UGGT1: variants seen among roughly 807,000 people sequenced by gnomAD.
UGGT1 encodes the protein UDP-glucose glycoprotein glucosyltransferase 1.
In UGGT1, 107 loss-of-function variants were observed where a neutral mutation model predicts 203.9. That is an observed-to-expected ratio of 0.52 (90% CI 0.45 to 0.62). The LOEUF is 0.62. Among genes scored for constraint, UGGT1 ranks in the 20% least tolerant of loss-of-function variants. The pLI is 0.00. For missense variants in UGGT1, 1,673 were observed against 1,867.2 expected (o/e 0.90, Z 1.92); for synonymous variants, 628 against 653.5 (o/e 0.96, Z 0.59).
At chr2:128,127,250 T>C (rs1364249272) in intron 11 of UGGT1, 111 bp from the exon 12 acceptor site, 2 of 706,156 alleles carry the variant, frequency 2.8e-6, no homozygotes, top group African/African-American at 3.6e-5. Context: ...AAGCAAATCT[T>C]AGCCCTGCCT....
Position 128,153,485 on chromosome 2 carries a change from G to A in UGGT1, c.2137+581G>A, listed in dbSNP as rs55858316. Among the ~76,000 whole-genome samples, 1,446 of 152,072 alleles carry A rather than the reference G, an allele frequency of 9.5e-3. 23 individuals carry two copies. The highest frequency in any genetic ancestry group is 0.032 in the African/African-American group (1,322 of 41,452). ...ATCATCACCCCCCAAAAATTCCCCA[G>A]AATTCCATGTACCTATTAGTAGTCA... On this transcript the variant is annotated intron_variant, in intron 19 of 40. Coordinates refer to ENST00000259253, the MANE Select transcript of UGGT1 (RefSeq NM_020120.4).
Position 128,116,327 on chromosome 2 carries a change from C to G in UGGT1, c.856C>G (p.Leu286Val), listed in dbSNP as rs368075843. The G allele has an allele frequency of 7.5e-6, 12 of 1,610,308 alleles. No homozygotes were observed. The highest frequency in any genetic ancestry group is 1.0e-5 in the Non-Finnish European group (12 of 1,176,862). ...NDPIDEVQGF[L>V]FGKLRDLHPD... Reference sequence around the variant, plus strand: ...TCCTATTGATGAGGTTCAGGGGTTCCTCTTTGGAAAATTAAGGTATGTATG... The same window carrying G: ...TCCTATTGATGAGGTTCAGGGGTTCGTCTTTGGAAAATTAAGGTATGTATG... The change falls in exon 8 of 41, where the codon CTC becomes GTC. Residue 286 changes from leucine to valine, a missense_variant. Leu to Val is a conservative substitution (Grantham distance 32, BLOSUM62 1). Around this residue, in one of 4 missense-constraint regions of UGGT1, gnomAD observed 1,073 missense variants for 1,078.7 expected, o/e 0.99. Coordinates refer to ENST00000259253, the MANE Select transcript of UGGT1 (RefSeq NM_020120.4).
intron 13 of UGGT1, among the ~76,000 whole-genome samples, chr2:128,132,041 A>G (rs916195602): frequency 2.6e-5 from 4 of 152,128 alleles, no homozygotes; most frequent in Non-Finnish European, 5.9e-5. Flanking sequence ...TCTTTGCTCT[A>G]TATCTTTTCC....
chr2:128,095,864 C>T (rs1162543332), intron 1 of UGGT1, among the ~76,000 whole-genome samples: 1 of 152,154 alleles, frequency 6.6e-6, no homozygotes, highest in African/African-American at 2.4e-5. Flanking sequence ...GACAGCCTCC[C>T]TCAGTGATAG....
chr2:128,105,476 G>C (rs1272901107), intron 3 of UGGT1, among the ~76,000 whole-genome samples: 1 of 147,556 alleles, frequency 6.8e-6, no homozygotes, highest in Admixed American at 6.7e-5. Flanking sequence ...ACTGCACCCA[G>C]CTAGATTTTA....
At chr2:128,155,665 T>TA in intron 20 of UGGT1, 78 bp downstream of exon 20, 1 of 1,134,784 alleles carries the variant, frequency 8.8e-7, no homozygotes, top group East Asian at 2.4e-5. Flanking sequence ...ATGTGCAAAT[T>TA]AAGAGAGAAA....
intron 24 of UGGT1, 61 bp from the exon 25 acceptor site, chr2:128,161,077 C>T: frequency 6.3e-7 from 1 of 1,592,474 alleles, no homozygotes; most frequent in Non-Finnish European, 8.5e-7. Context: ...GGGTTCCTTA[C>T]CAGCTTGCTG....
intron 2 of UGGT1, among the ~76,000 whole-genome samples, chr2:128,099,849 A>C (rs1687285580): frequency 6.6e-6 from 1 of 152,314 alleles, no homozygotes; most frequent in Non-Finnish European, 1.5e-5. Context: ...GGGGGAAAAA[A>C]GCCCAACAAA....
chr2:128,130,833 C>T (rs2105420199), intron 13 of UGGT1, among the ~76,000 whole-genome samples: 1 of 151,858 alleles, frequency 6.6e-6, no homozygotes. Flanking sequence ...ACTATGTTGC[C>T]CAGGCTGGAC....
intron 26 of UGGT1, among the ~76,000 whole-genome samples, chr2:128,169,048 TA>T (rs544381740): frequency 2.2e-3 from 116 of 52,468 alleles, no homozygotes; most frequent in East Asian, 3.0e-3. Context: ...ACTCTGTCTT[TA>T]AAAAAAAAAA....
At chr2:128,187,706 G>A (rs1241782239) in intron 40 of UGGT1, 92 bp downstream of exon 40, 3 of 1,334,248 alleles carry the variant, frequency 2.2e-6, no homozygotes, top group South Asian at 1.8e-5. Context: ...ATAAAAGGAA[G>A]AGAAAAATCT....
At chr2:128,176,920 G>T (rs1292888695) in intron 32 of UGGT1, 22 bp downstream of exon 32, 6 of 1,602,868 alleles carry the variant, frequency 3.7e-6, no homozygotes, top group East Asian at 2.2e-5. Flanking sequence ...AAAAGTAGTG[G>T]CATTCTGTTA....
chr2:128,129,361 A>T (rs1184902741), intron 13 of UGGT1, among the ~76,000 whole-genome samples, 182 bp downstream of exon 13: 1 of 151,760 alleles, frequency 6.6e-6, no homozygotes, highest in African/African-American at 2.4e-5. Context: ...TGCTTCAAAA[A>T]GTTGAGTTAT....
Position 128,191,846 on chromosome 2 carries a change from A to T in UGGT1, c.*2104A>T, listed in dbSNP as rs1692279708. On this transcript the variant is annotated 3_prime_UTR_variant, in exon 41 of 41. Transcript: ENST00000259253. ...ACTCCAGCCTGGGTGACAGAGCGAG[A>T]CTCCATCTCAGAAAACAAACAAACA... The T allele has an allele frequency of 6.6e-6, 1 of 152,282 alleles. No individual in the cohort carries two copies. Among genetic ancestry groups the T allele is most frequent in the South Asian group, 2.1e-4 (1 of 4,826 alleles). The allele number at this position is 152,282 out of a possible 1,614,324, so 9.4% of individuals were successfully genotyped here.
At chr2:128,145,633 A>G in intron 17 of UGGT1, 170 bp from the exon 18 acceptor site, 1 of 665,736 alleles carries the variant, frequency 1.5e-6, no homozygotes, top group Non-Finnish European at 2.3e-6. Flanking sequence ...GTAGGATATT[A>G]ACTTTGATGT....
intron 3 of UGGT1, among the ~76,000 whole-genome samples, chr2:128,104,400 TAA>T (rs1687512182): frequency 6.6e-6 from 1 of 152,240 alleles, no homozygotes; most frequent in Admixed American, 6.5e-5. Context: ...TCATTATCAT[TAA>T]GTTAGTATCA....
Position 128,179,821 on chromosome 2 carries a change from C to T in UGGT1, c.3851C>T (p.Thr1284Ile). Residue 1284 changes from threonine to isoleucine, a missense_variant, in exon 35 of 41, where the codon ACT (threonine) becomes ATT (isoleucine). This residue lies in a region of UGGT1 where 513 missense variants were observed against 684.1 expected (regional missense o/e 0.75). Coordinates refer to ENST00000259253, the MANE Select transcript of UGGT1 (RefSeq NM_020120.4). ...CTATCCGTGCTGAAGAATACCAAGA[C>T]TCCTGTGAAATTCTGGTTCTTGAAG... ...MMLSVLKNTK[T>I]PVKFWFLKNY... 1 of 1,614,038 alleles carries T rather than the reference C, an allele frequency of 6.2e-7. No individual in the cohort carries two copies. The highest frequency in any genetic ancestry group is 8.5e-7 in the Non-Finnish European group (1 of 1,179,988).
chr2:128,138,956 A>C, intron 16 of UGGT1, 104 bp downstream of exon 16: 31 of 1,426,238 alleles, frequency 2.2e-5, no homozygotes, highest in Non-Finnish European at 2.9e-5. Flanking sequence ...TATAGAGCTC[A>C]GGGGTGGGTC....
chr2:128,122,488 C>T (rs1688427443), intron 10 of UGGT1, among the ~76,000 whole-genome samples: 1 of 150,926 alleles, frequency 6.6e-6, no homozygotes, highest in East Asian at 2.0e-4. Context: ...GAGCCAAGAT[C>T]ATGCCATTGC....
Sources: gnomAD v4.1 joint callset for allele counts (sites outside exome capture counted in the v4.1 genomes callset) on GRCh38, gnomAD v4.1.1 for gene constraint, gnomAD v4.1.1 regional missense constraint, MANE v1.5 for transcripts, NCBI Gene and HGNC (gene_info 2026-07-23, HGNC 2026-07-21) for gene names.